TRIO: variants seen among roughly 807,000 people sequenced by gnomAD.
TRIO encodes the protein triple functional domain protein.
TRIO carries 58 observed loss-of-function variants against 351.9 expected under a neutral mutation model. That is an observed-to-expected ratio of 0.16 (90% CI 0.13 to 0.21). TRIO has a LOEUF of 0.21. TRIO is among the 10% of genes least tolerant of loss of function. The pLI is 1.00. For synonymous variants in TRIO, 1,758 were observed against 1,595.7 expected (o/e 1.10, Z -2.42); for missense variants, 3,201 against 4,027.8 (o/e 0.79, Z 5.56).
At chr5:14,374,366 A>G in intron 19 of TRIO, 23 bp downstream of exon 19, 1 of 1,600,006 alleles carries the variant, frequency 6.2e-7, no homozygotes, top group Non-Finnish European at 8.5e-7. Flanking sequence ...GGGAGTCTCC[A>G]GGGGTGGCCC....
At chr5:14,320,406 G>T (rs1739774674) in intron 9 of TRIO, among the ~76,000 whole-genome samples, 1 of 152,092 alleles carries the variant, frequency 6.6e-6, no homozygotes, top group Admixed American at 6.5e-5. Flanking sequence ...AGCATGTCAG[G>T]AGCAGTGAGT....
intron 21 of TRIO, among the ~76,000 whole-genome samples, chr5:14,382,795 G>C (rs1415982371): frequency 6.7e-6 from 1 of 150,198 alleles, no homozygotes; most frequent in East Asian, 2.0e-4. Flanking sequence ...CTGTTACCCA[G>C]GCTGGAATAC....
chr5:14,409,933 G>T (rs1749057013), intron 33 of TRIO, among the ~76,000 whole-genome samples: 2 of 151,934 alleles, frequency 1.3e-5, no homozygotes, highest in Admixed American at 1.3e-4. Flanking sequence ...TCTTACTGAG[G>T]ACCGCAGCCT....
At chr5:14,212,444 C>A (rs906202782) in intron 1 of TRIO, among the ~76,000 whole-genome samples, 28 of 152,276 alleles carry the variant, frequency 1.8e-4, no homozygotes, top group Admixed American at 1.7e-3. Context: ...AACTCTCCCT[C>A]CAGACTCACA....
chr5:14,305,876 A>G (rs1451847717), intron 8 of TRIO, among the ~76,000 whole-genome samples: 8 of 152,214 alleles, frequency 5.3e-5, no homozygotes, highest in African/African-American at 1.9e-4. Context: ...ATTTTACTGT[A>G]CTTTTTCTAT....
At chr5:14,179,399 C>G (rs1029178790) in intron 1 of TRIO, among the ~76,000 whole-genome samples, 3 of 151,760 alleles carry the variant, frequency 2.0e-5, no homozygotes, top group Non-Finnish European at 4.4e-5. Flanking sequence ...TTCACTTGTT[C>G]TGCCCTCAGA....
Position 14,492,680 on chromosome 5 carries a change from C to T in TRIO, c.7746C>T (p.Ala2582=), listed in dbSNP as rs745926004. The T allele has an allele frequency of 1.9e-6, 3 of 1,614,008 alleles. No homozygotes were observed. Among genetic ancestry groups the T allele is most frequent in the Non-Finnish European group, 2.5e-6 (3 of 1,180,028 alleles). Residue 2582 remains alanine (A), a synonymous_variant, in exon 49 of 57, where the codon GCC becomes GCT. Transcript: ENST00000344204. ...AAGGAGAGGTCGTTCAAATTCTGGCCAGCAACCAGCAGAACATGTTTCTGG... is the reference window on the plus strand; with the variant it reads ...AAGGAGAGGTCGTTCAAATTCTGGCTAGCAACCAGCAGAACATGTTTCTGG... The part of the protein sequence containing the change: ...VYQGEVVQIL[A]SNQQNMFLVF...
chr5:14,391,337 G>A (rs768859687), intron 27 of TRIO, among the ~76,000 whole-genome samples: 1 of 151,976 alleles, frequency 6.6e-6, no homozygotes, highest in Non-Finnish European at 1.5e-5. Flanking sequence ...GTATACAGAA[G>A]GCATAAACTA....
At chr5:14,245,966 G>A (rs917771136) in intron 1 of TRIO, among the ~76,000 whole-genome samples, 1 of 152,192 alleles carries the variant, frequency 6.6e-6, no homozygotes, top group African/African-American at 2.4e-5. Context: ...AAGCCTCCTA[G>A]GTTAGAGTGT....
At chr5:14,468,133 C>T (rs952894403) in intron 37 of TRIO, among the ~76,000 whole-genome samples, 13 of 147,886 alleles carry the variant, frequency 8.8e-5, no homozygotes, top group African/African-American at 2.2e-4. Context: ...AATTAATTCA[C>T]GTGGACTTCC....
chr5:14,381,872 G>A (rs1746137374), intron 21 of TRIO, among the ~76,000 whole-genome samples: 1 of 152,212 alleles, frequency 6.6e-6, no homozygotes, highest in Non-Finnish European at 1.5e-5. Context: ...ATATGTGTGA[G>A]TAAATATGGC....
At chr5:14,490,952 G>A in intron 48 of TRIO, 2 of 431,136 alleles carry the variant, frequency 4.6e-6, no homozygotes, top group Middle Eastern at 3.4e-4. Flanking sequence ...ACAAGCCAAA[G>A]CCTTCCCTGT....
intron 11 of TRIO, among the ~76,000 whole-genome samples, chr5:14,350,753 G>C (rs887585140): frequency 6.6e-6 from 1 of 152,084 alleles, no homozygotes; most frequent in South Asian, 2.1e-4. Flanking sequence ...TTTGCCCTCT[G>C]TTCCTCCCCA....
chr5:14,483,429 G>A (rs1459826203), intron 46 of TRIO, among the ~76,000 whole-genome samples: 3 of 152,222 alleles, frequency 2.0e-5, no homozygotes, highest in African/African-American at 7.2e-5. Flanking sequence ...AGACCCTGAG[G>A]TCAGAAGGGA....
chr5:14,293,253 C>T, intron 6 of TRIO, 119 bp downstream of exon 6: 1 of 1,394,020 alleles, frequency 7.2e-7, no homozygotes, highest in Non-Finnish European at 9.8e-7. Context: ...TTGATTGTAG[C>T]AGCTGACCTT....
chr5:14,153,632 G>C lies in TRIO; in HGVS notation c.157+9750G>C, dbSNP rs573701766. 7.9e-5 allele frequency among the ~76,000 whole-genome samples: 12 copies of C among 152,228 alleles called. No homozygotes were observed. In the South Asian group the frequency reaches 2.5e-3, roughly 32 times the overall value. Reference sequence around the variant, plus strand: ...TTCAGCAGGTGGATGCCATTCCTGGGTTGTGGATGAGGATGTCTGCTTCTG... The same window carrying C: ...TTCAGCAGGTGGATGCCATTCCTGGCTTGTGGATGAGGATGTCTGCTTCTG... On this transcript the variant is annotated intron_variant, in intron 1 of 56. Transcript: ENST00000344204.
chr5:14,403,972 A>G (rs112020877), intron 31 of TRIO, among the ~76,000 whole-genome samples: 9 of 44,926 alleles, frequency 2.0e-4, no homozygotes, highest in East Asian at 7.8e-4. Context: ...TGGTGAGGGT[A>G]CAGGTGGTGA....
At chr5:14,323,486 C>A in intron 9 of TRIO, among the ~76,000 whole-genome samples, 1 of 151,100 alleles carries the variant, frequency 6.6e-6, no homozygotes, top group East Asian at 1.9e-4. Context: ...CTGCAATTGC[C>A]CGTGACCATG....
chr5:14,406,076 T>C (rs1579562986), intron 32 of TRIO, 86 bp downstream of exon 32: 1 of 1,527,002 alleles, frequency 6.5e-7, no homozygotes. Context: ...AAAAATCCTT[T>C]CTCTCAAACA....
Sources: allele counts gnomAD v4.1 joint callset (sites outside exome capture counted in the v4.1 genomes callset), GRCh38; gene constraint gnomAD v4.1.1; transcripts MANE v1.5; gene names NCBI Gene and HGNC (gene_info 2026-07-23, HGNC 2026-07-21).